ADGRL3: variants seen among roughly 807,000 people sequenced by gnomAD.
ADGRL3 encodes calcium-independent alpha-latrotoxin receptor 3.
ADGRL3 carries 62 observed loss-of-function variants against 153.5 expected under a neutral mutation model. The observed-to-expected ratio is 0.40, with a 90% confidence interval of 0.33 to 0.50. ADGRL3 has a LOEUF of 0.50. Among genes scored for constraint, ADGRL3 ranks in the 20% least tolerant of loss-of-function variants. The pLI is 0.47. For missense variants in ADGRL3, 1,641 were observed against 1,859.4 expected (o/e 0.88, Z 2.16); for synonymous variants, 710 against 672.5 (o/e 1.06, Z -0.86).
chr4:61,464,027 C>T (rs771684644), intron 2 of ADGRL3, among the ~76,000 whole-genome samples: 1 of 152,166 alleles, frequency 6.6e-6, no homozygotes, highest in Non-Finnish European at 1.5e-5. Context: ...CAACTACGCA[C>T]ATCTACTTAA....
intron 1 of ADGRL3, among the ~76,000 whole-genome samples, chr4:61,350,248 AT>A (rs1215632822): frequency 6.6e-6 from 1 of 151,720 alleles, no homozygotes; most frequent in African/African-American, 2.4e-5. Flanking sequence ...ATTATTGTCC[AT>A]TTTGGACTTT....
chr4:61,978,731 A>G (rs926386158), intron 17 of ADGRL3, among the ~76,000 whole-genome samples: 1 of 152,164 alleles, frequency 6.6e-6, no homozygotes, highest in African/African-American at 2.4e-5. Context: ...AGCTTCCTGG[A>G]CTATTTTAAC....
intron 13 of ADGRL3, among the ~76,000 whole-genome samples, chr4:61,928,734 C>T (rs879627632): frequency 6.6e-6 from 1 of 152,010 alleles, no homozygotes; most frequent in Admixed American, 6.6e-5. Flanking sequence ...TCTCATTCAC[C>T]CTGCCTCCCT....
chr4:61,408,152 CA>C (rs1353263190), intron 2 of ADGRL3, among the ~76,000 whole-genome samples: 2 of 152,014 alleles, frequency 1.3e-5, no homozygotes, highest in East Asian at 1.9e-4. Flanking sequence ...CTAAGGCTGT[CA>C]GGGAAATCTC....
At chr4:61,988,540 C>T (rs991193836) in intron 19 of ADGRL3, among the ~76,000 whole-genome samples, 1 of 152,068 alleles carries the variant, frequency 6.6e-6, no homozygotes, top group African/African-American at 2.4e-5. Context: ...AATCAGGAAA[C>T]ATTTGGAAAT....
chr4:61,300,145 T>C (rs1331925329), intron 1 of ADGRL3, among the ~76,000 whole-genome samples: 1 of 152,220 alleles, frequency 6.6e-6, no homozygotes, highest in Non-Finnish European at 1.5e-5. Flanking sequence ...TCATTTTTCA[T>C]ATATAATGCC....
intron 4 of ADGRL3, among the ~76,000 whole-genome samples, chr4:61,532,719 A>G (rs1010755515): frequency 2.6e-5 from 4 of 151,490 alleles, no homozygotes; most frequent in African/African-American, 9.7e-5. Context: ...AGTAAAACCG[A>G]TAGTAACACC....
At position 61,767,792 on chromosome 4, in the gene ADGRL3, T is replaced by C. The variant is rs560353858; in HGVS notation, c.1399+34238T>C. 1.7e-3 allele frequency among the ~76,000 whole-genome samples: 263 copies of C among 152,264 alleles called. 4 individuals carry two copies. Among genetic ancestry groups the C allele is most frequent in the African/African-American group, 6.0e-3 (250 of 41,524 alleles). The stretch of plus-strand genomic sequence containing the variant: ...AGGAGGTTCTGGAGGAACGCCTGGC[T>C]GCTACAGTTCAGGCGTTTGGAAGTT... On this transcript the variant is annotated intron_variant, in intron 8 of 26. Coordinates refer to ENST00000683033, the MANE Select transcript of ADGRL3 (RefSeq NM_001387552.1).
chr4:61,266,307 C>T (rs1460918105), intron 1 of ADGRL3, among the ~76,000 whole-genome samples: 7 of 151,656 alleles, frequency 4.6e-5, no homozygotes, highest in Non-Finnish European at 8.9e-5. Context: ...TTTTTCTATG[C>T]CTTACTTCTC....
At chr4:62,051,187 TATAC>T (rs1215411955) in intron 25 of ADGRL3, among the ~76,000 whole-genome samples, 108 of 134,194 alleles carry the variant, frequency 8.0e-4, no homozygotes, top group African/African-American at 1.2e-3. Flanking sequence ...TATATATATA[TATAC>T]ATACATACAC....
At chr4:61,677,049 T>A (rs1399452975) in intron 6 of ADGRL3, 114 bp downstream of exon 6, 3 of 743,748 alleles carry the variant, frequency 4.0e-6, no homozygotes, top group Non-Finnish European at 6.8e-6. Context: ...AATGAAAAAA[T>A]TGGCTAATAT....
chr4:61,953,853 C>G (rs1221770372), intron 17 of ADGRL3, among the ~76,000 whole-genome samples: 2 of 152,166 alleles, frequency 1.3e-5, no homozygotes, highest in African/African-American at 4.8e-5. Flanking sequence ...ATTCTTGCAA[C>G]ACGTTCTTCA....
chr4:62,043,786 A>G (rs1437579208), intron 24 of ADGRL3, among the ~76,000 whole-genome samples: 1 of 152,088 alleles, frequency 6.6e-6, no homozygotes, highest in East Asian at 1.9e-4. Flanking sequence ...TAGAAATTTG[A>G]ATTTAAGAAT....
chr4:61,299,545 C>T (rs1341196539), intron 1 of ADGRL3, among the ~76,000 whole-genome samples: 2 of 152,124 alleles, frequency 1.3e-5, no homozygotes, highest in African/African-American at 4.8e-5. Flanking sequence ...ACAATGTTGC[C>T]ACCTTCTGCT....
At chr4:61,505,088 C>T (rs936165510) in intron 3 of ADGRL3, among the ~76,000 whole-genome samples, 8 of 152,140 alleles carry the variant, frequency 5.3e-5, no homozygotes, top group Non-Finnish European at 1.2e-4. Context: ...AAAGGTTCCC[C>T]TTTCTCCACA....
At chr4:62,000,372 T>C (rs1237753021) in intron 21 of ADGRL3, among the ~76,000 whole-genome samples, 1 of 152,026 alleles carries the variant, frequency 6.6e-6, no homozygotes, top group Non-Finnish European at 1.5e-5. Flanking sequence ...AAAATATCAA[T>C]TTGTTTGTAT....
intron 8 of ADGRL3, among the ~76,000 whole-genome samples, chr4:61,774,496 T>G (rs10000772): frequency 0.54 from 81,206 of 151,708 alleles, 22,084 homozygotes; most frequent in Middle Eastern, 0.59. Flanking sequence ...ATTGTATTAG[T>G]GATTATAAGT....
intron 4 of ADGRL3, among the ~76,000 whole-genome samples, chr4:61,571,749 G>A (rs1466078111): frequency 6.6e-6 from 1 of 152,134 alleles, no homozygotes; most frequent in Non-Finnish European, 1.5e-5. Flanking sequence ...CATTTACTAT[G>A]TGCCTAGCAC....
At chr4:61,884,204 A>G (rs185139861) in intron 9 of ADGRL3, among the ~76,000 whole-genome samples, 276 of 152,320 alleles carry the variant, frequency 1.8e-3, no homozygotes, top group African/African-American at 6.4e-3. Flanking sequence ...TACTTTTTAA[A>G]AATTACTTCA....
Sources: gnomAD v4.1 joint callset for allele counts (sites outside exome capture counted in the v4.1 genomes callset) on GRCh38, gnomAD v4.1.1 for gene constraint, MANE v1.5 for transcripts, NCBI Gene and HGNC (gene_info 2026-07-23, HGNC 2026-07-21) for gene names.